Variants in DTNBP1 observed in about 807,000 individuals in gnomAD.
The protein encoded by DTNBP1 is dystrobrevin binding protein 1.
A neutral mutation model predicts 42.8 loss-of-function variants in DTNBP1; 35 were observed. The ratio of observed to expected loss-of-function variants is 0.82; its 90% CI spans 0.63 to 1.09. The LOEUF is 1.09. DTNBP1 is among the 50% of genes least tolerant of loss of function. DTNBP1 has a pLI of 0.00. For missense variants in DTNBP1, 457 were observed against 424.2 expected (o/e 1.08, Z -0.68); for synonymous variants, 171 against 162.2 (o/e 1.05, Z -0.41).
chr6:15,559,295 A>C (rs955972798), intron 7 of DTNBP1, among the ~76,000 whole-genome samples: 1 of 152,228 alleles, frequency 6.6e-6, no homozygotes, highest in African/African-American at 2.4e-5. Context: ...TTCTGTGGTC[A>C]TTCAGCATTT....
At chr6:15,605,618 G>C (rs1758002824) in intron 6 of DTNBP1, among the ~76,000 whole-genome samples, 1 of 152,058 alleles carries the variant, frequency 6.6e-6, no homozygotes, top group African/African-American at 2.4e-5. Flanking sequence ...AATATAAGCT[G>C]ACCCTCAAAT....
chr6:15,555,329 C>T (rs373437917), intron 7 of DTNBP1, among the ~76,000 whole-genome samples: 3 of 151,950 alleles, frequency 2.0e-5, no homozygotes, highest in Admixed American at 6.6e-5. Flanking sequence ...AGAGCAACTC[C>T]GTCTTGAATA....
At chr6:15,642,565 TGCTAG>T (rs1380105945) in intron 3 of DTNBP1, among the ~76,000 whole-genome samples, 1 of 152,188 alleles carries the variant, frequency 6.6e-6, no homozygotes, top group Non-Finnish European at 1.5e-5. Flanking sequence ...AAGGGCTTAG[TGCTAG>T]GCAGTCCACA....
In DTNBP1 at chr6:15,542,831, C is replaced by G. The variant is rs1328924955; in HGVS notation, c.512-9436G>C. On this transcript the variant is annotated intron_variant, in intron 7 of 9. Coordinates refer to ENST00000344537, the MANE Select transcript of DTNBP1 (RefSeq NM_032122.5). ...CTCAGCCTCCCGAGTAGCCGAGTAG[C>G]TAAGACTACAGATGTGCACAACCAC... Among the ~76,000 whole-genome samples, 6 of 152,040 alleles carry G rather than the reference C, an allele frequency of 3.9e-5. No individual in the cohort carries two copies. The East Asian group carries it at 1.2e-3, about 29-fold the overall frequency.
intron 1 of DTNBP1, among the ~76,000 whole-genome samples, chr6:15,660,787 A>G (rs1761561331): frequency 1.3e-5 from 2 of 152,176 alleles, no homozygotes. Flanking sequence ...GGTCAGGAGC[A>G]TGAATGCTTC....
At chr6:15,659,862 GTTTC>G (rs1046783454) in intron 1 of DTNBP1, among the ~76,000 whole-genome samples, 9 of 152,034 alleles carry the variant, frequency 5.9e-5, no homozygotes, top group African/African-American at 9.6e-5. Flanking sequence ...AAAAGATGGG[GTTTC>G]TTTGTGTTGC....
At chr6:15,603,103 A>G (rs1458850429) in intron 6 of DTNBP1, among the ~76,000 whole-genome samples, 1 of 152,244 alleles carries the variant, frequency 6.6e-6, no homozygotes, top group African/African-American at 2.4e-5. Flanking sequence ...ATTCTCTAAC[A>G]GACACTTTAG....
chr6:15,655,598 CAA>C (rs1396549310), intron 1 of DTNBP1, among the ~76,000 whole-genome samples: 1 of 126,012 alleles, frequency 7.9e-6, no homozygotes, highest in East Asian at 2.3e-4. Context: ...AAAATAAAAA[CAA>C]AGTAAAAAAC....
intron 3 of DTNBP1, among the ~76,000 whole-genome samples, chr6:15,645,156 A>C (rs913276914): frequency 6.6e-6 from 1 of 151,986 alleles, no homozygotes; most frequent in Non-Finnish European, 1.5e-5. Context: ...GAACATCTCT[A>C]TGTGCACAAA....
chr6:15,545,526 T>C (rs1773817784), intron 7 of DTNBP1, among the ~76,000 whole-genome samples: 2 of 152,136 alleles, frequency 1.3e-5, no homozygotes. Flanking sequence ...ATTAATCAAG[T>C]ACTATACTTT....
intron 1 of DTNBP1, among the ~76,000 whole-genome samples, chr6:15,656,005 G>A (rs1275383430): frequency 6.6e-6 from 1 of 152,174 alleles, no homozygotes; most frequent in Non-Finnish European, 1.5e-5. Context: ...TTCCTCAAAT[G>A]TAAAATGGTA....
At chr6:15,529,231 G>A (rs1450005103) in intron 8 of DTNBP1, among the ~76,000 whole-genome samples, 1 of 152,180 alleles carries the variant, frequency 6.6e-6, no homozygotes, top group Non-Finnish European at 1.5e-5. Flanking sequence ...ACTGCAATGA[G>A]CTATGACCAC....
At chr6:15,541,455 G>T (rs539446837) in intron 7 of DTNBP1, among the ~76,000 whole-genome samples, 1 of 152,246 alleles carries the variant, frequency 6.6e-6, no homozygotes, top group Non-Finnish European at 1.5e-5. Context: ...ACATTAAGAT[G>T]CCATTTATTA....
rs1379896479 is a variant in DTNBP1 at position 15,622,419 on chromosome 6, TATA to T, written c.355+4921_355+4923del. Among the ~76,000 whole-genome samples, 7 of 152,328 alleles carry T rather than the reference TATA, an allele frequency of 4.6e-5. No individual in the cohort carries two copies. The East Asian group carries it at 5.8e-4, about 13-fold the overall frequency. On this transcript the variant is annotated intron_variant, in intron 5 of 9. Coordinates refer to ENST00000344537, the MANE Select transcript of DTNBP1 (RefSeq NM_032122.5). ...ATATTAAACTTAAAAAAGCTCTTCATATAATAATGACAAGTACATACGTAATGT... is the reference window on the plus strand; with the variant it reads ...ATATTAAACTTAAAAAAGCTCTTCATATAATGACAAGTACATACGTAATGT...
intron 8 of DTNBP1, 108 bp downstream of exon 8, chr6:15,533,132 A>G: frequency 6.5e-7 from 1 of 1,547,638 alleles, no homozygotes; most frequent in Non-Finnish European, 8.7e-7. Flanking sequence ...TCATAACAGA[A>G]CGGAACTTCT....
At chr6:15,629,630 T>G (rs1759571352) in intron 4 of DTNBP1, among the ~76,000 whole-genome samples, 1 of 152,184 alleles carries the variant, frequency 6.6e-6, no homozygotes, top group Admixed American at 6.6e-5. Flanking sequence ...CTAAAACATT[T>G]TGAACATTTT....
At chr6:15,630,238 A>C (rs1759611135) in intron 4 of DTNBP1, among the ~76,000 whole-genome samples, 1 of 152,236 alleles carries the variant, frequency 6.6e-6, no homozygotes, top group Admixed American at 6.5e-5. Context: ...TTTGATTTCC[A>C]CACAAGTTTG....
At chr6:15,585,852 G>C in intron 7 of DTNBP1, 1 of 1,478,924 alleles carries the variant, frequency 6.8e-7, no homozygotes, top group Non-Finnish European at 9.0e-7. Context: ...TGCATCTTCT[G>C]GGATGTAGAA....
intron 7 of DTNBP1, among the ~76,000 whole-genome samples, chr6:15,579,155 C>T (rs114475039): frequency 0.011 from 1,746 of 152,134 alleles, 12 homozygotes; most frequent in Middle Eastern, 0.031. Context: ...AAATGTCTAT[C>T]GACAGATGAA....
Sources: gnomAD v4.1 joint callset for allele counts (sites outside exome capture counted in the v4.1 genomes callset) on GRCh38, gnomAD v4.1.1 for gene constraint, MANE v1.5 for transcripts, NCBI Gene and HGNC (gene_info 2026-07-23, HGNC 2026-07-21) for gene names.